DPYD: variants seen among roughly 807,000 people sequenced by gnomAD.
The protein encoded by DPYD is dihydropyrimidine dehydrogenase.
Under a neutral mutation model 116.2 loss-of-function variants are expected in DPYD, and 109 were observed. The ratio of observed to expected loss-of-function variants is 0.94; its 90% CI spans 0.80 to 1.10. The LOEUF (loss-of-function observed/expected upper bound fraction) is 1.10. DPYD is among the 50% of genes least tolerant of loss of function. The probability of loss-of-function intolerance (pLI) is 0.00; values close to 1 mark genes in which losing one functional copy is unlikely to be tolerated. For missense variants in DPYD, 1,302 were observed against 1,254.5 expected (o/e 1.04, Z -0.57); for synonymous variants, 440 against 432.0 (o/e 1.02, Z -0.23).
intron 18 of DPYD, among the ~76,000 whole-genome samples, chr1:97,257,110 T>C (rs1230444109): frequency 6.6e-6 from 1 of 151,962 alleles, no homozygotes; most frequent in Non-Finnish European, 1.5e-5. Context: ...AATTCTGAGT[T>C]TTTTTGATTA....
chr1:97,824,461 A>G (rs1000494566), intron 3 of DPYD, among the ~76,000 whole-genome samples: 1 of 152,206 alleles, frequency 6.6e-6, no homozygotes, highest in African/African-American at 2.4e-5. Flanking sequence ...ACATATAAGT[A>G]TTTAAATTTA....
chr1:97,765,443 A>C (rs1386947173), intron 3 of DPYD, among the ~76,000 whole-genome samples: 3 of 152,208 alleles, frequency 2.0e-5, no homozygotes, highest in African/African-American at 7.2e-5. Context: ...AGGACACAGA[A>C]CCAGCTATGT....
At chr1:97,841,699 G>A (rs1323613263) in intron 2 of DPYD, among the ~76,000 whole-genome samples, 1 of 151,810 alleles carries the variant, frequency 6.6e-6, no homozygotes, top group Non-Finnish European at 1.5e-5. Flanking sequence ...TACCTAAAGG[G>A]AGTAGCAGGG....
chr1:97,796,471 T>C (rs543660437), intron 3 of DPYD, among the ~76,000 whole-genome samples: 2 of 152,268 alleles, frequency 1.3e-5, no homozygotes, highest in East Asian at 1.9e-4. Context: ...ATATCTTTGA[T>C]AGAAGTGAAC....
At chr1:97,856,129 G>A (rs1345902242) in intron 2 of DPYD, 1 of 152,176 alleles carries the variant, frequency 6.6e-6, no homozygotes, top group African/African-American at 2.4e-5. Flanking sequence ...AACTGAAAGA[G>A]GGGAGGTCAT....
chr1:97,090,156 G>T (rs929421222), intron 21 of DPYD, among the ~76,000 whole-genome samples: 4 of 152,084 alleles, frequency 2.6e-5, no homozygotes, highest in African/African-American at 9.7e-5. Flanking sequence ...TTATGTATTG[G>T]ATTTAAGGTC....
intron 14 of DPYD, among the ~76,000 whole-genome samples, chr1:97,415,038 C>T (rs566269719): frequency 7.2e-5 from 11 of 152,130 alleles, no homozygotes; most frequent in African/African-American, 2.4e-4. Context: ...TTTTTACTTC[C>T]TATGAAGCTA....
At chr1:97,257,775 T>C (rs899547631) in intron 18 of DPYD, among the ~76,000 whole-genome samples, 1 of 152,040 alleles carries the variant, frequency 6.6e-6, no homozygotes, top group Non-Finnish European at 1.5e-5. Flanking sequence ...GCAGCTATTA[T>C]GTTTGGAGCT....
At chr1:97,494,550 CT>C (rs758726250) in intron 13 of DPYD, among the ~76,000 whole-genome samples, 78 of 152,112 alleles carry the variant, frequency 5.1e-4, no homozygotes, top group Admixed American at 8.5e-4. Flanking sequence ...AACTTTAAGC[CT>C]GGGCAACATG....
intron 8 of DPYD, among the ~76,000 whole-genome samples, chr1:97,600,487 C>T (rs112044021): frequency 5.9e-5 from 9 of 152,116 alleles, no homozygotes; most frequent in South Asian, 2.1e-4. Flanking sequence ...ATCTTAAGGC[C>T]GACTGACCTA....
intron 2 of DPYD, among the ~76,000 whole-genome samples, chr1:97,876,186 C>G (rs543305073): frequency 6.6e-6 from 1 of 152,054 alleles, no homozygotes; most frequent in East Asian, 1.9e-4. Context: ...AATGTAATGA[C>G]CAGGAAATCC....
In DPYD at chr1:97,552,745, T is replaced by C. The variant is rs576467691; in HGVS notation, c.1340-3001A>G. Reference sequence around the variant, plus strand: ...CAAACAATTCTTTGATACTCTATTCTAAAATAGAAAAAGGATTTTCTTTCA... The same window carrying C: ...CAAACAATTCTTTGATACTCTATTCCAAAATAGAAAAAGGATTTTCTTTCA... On this transcript the variant is annotated intron_variant, in intron 11 of 22. Transcript: ENST00000370192. Among the ~76,000 whole-genome samples the C allele has an allele frequency of 8.2e-4, 125 of 152,172 alleles. 1 individual carries two copies. The Middle Eastern group carries it at 0.014, about 17-fold the overall frequency.
chr1:97,615,733 G>A (rs977901405), intron 8 of DPYD, among the ~76,000 whole-genome samples: 12 of 151,908 alleles, frequency 7.9e-5, no homozygotes, highest in African/African-American at 9.7e-5. Context: ...TGAAAAATTC[G>A]AGGGACTCCC....
At chr1:97,601,429 T>C (rs546947577) in intron 8 of DPYD, among the ~76,000 whole-genome samples, 1 of 151,990 alleles carries the variant, frequency 6.6e-6, no homozygotes, top group Non-Finnish European at 1.5e-5. Context: ...GTATACAGGA[T>C]GTGTAAAAGT....
At chr1:97,512,297 T>C (rs567852995) in intron 13 of DPYD, among the ~76,000 whole-genome samples, 10 of 151,904 alleles carry the variant, frequency 6.6e-5, no homozygotes, top group African/African-American at 1.2e-4. Flanking sequence ...GAGAGACCTA[T>C]TACATGGATA....
At chr1:97,731,075 C>T (rs1048432508) in intron 4 of DPYD, among the ~76,000 whole-genome samples, 1 of 151,896 alleles carries the variant, frequency 6.6e-6, no homozygotes, top group African/African-American at 2.4e-5. Context: ...ATGCTGAAAA[C>T]TTTTTCTTTA....
intron 8 of DPYD, among the ~76,000 whole-genome samples, chr1:97,655,200 GA>G (rs1198451503): frequency 2.6e-5 from 4 of 152,058 alleles, no homozygotes; most frequent in African/African-American, 7.2e-5. Context: ...CATTTCCTAA[GA>G]AAAAAACTTT....
Position 97,430,591 on chromosome 1 carries a change from G to GAA in DPYD, c.1905+19466_1905+19467dup, listed in dbSNP as rs5776365. The stretch of plus-strand genomic sequence containing the variant: ...GCAGCAGAGTGAAACTCAGTCTTGG[G>GAA]AAAAAAAAAAATGTCCTCTTTCACG... On this transcript the variant is annotated intron_variant, in intron 14 of 22. Transcript: ENST00000370192. 3.0e-3 allele frequency among the ~76,000 whole-genome samples: 452 copies of GAA among 148,472 alleles called. 1 individual carries two copies. Among genetic ancestry groups the GAA allele is most frequent in the African/African-American group, 5.8e-3 (234 of 40,596 alleles).
rs375677505 is a variant in DPYD at position 97,253,538 on chromosome 1, G to A, written c.2300-18544C>T. Among the ~76,000 whole-genome samples the A allele has an allele frequency of 1.6e-4, 24 of 152,116 alleles. No homozygotes were observed. The East Asian group carries it at 4.4e-3, about 28-fold the overall frequency. ...GTGTTTCCCTTTAATTTCCCTTCTC[G>A]TGGCATCGTTCCCTTGTGCCATTCT... On this transcript the variant is annotated intron_variant, in intron 18 of 22. Transcript: ENST00000370192.
Sources: gnomAD v4.1 joint callset for allele counts (sites outside exome capture counted in the v4.1 genomes callset) on GRCh38, gnomAD v4.1.1 for gene constraint, MANE v1.5 for transcripts, NCBI Gene and HGNC (gene_info 2026-07-23, HGNC 2026-07-21) for gene names.